ADAMTS12: variants seen among roughly 807,000 people sequenced by gnomAD.
The protein encoded by ADAMTS12 is ADAM metallopeptidase with thrombospondin type 1 motif 12.
In ADAMTS12, 118 loss-of-function variants were observed where a neutral mutation model predicts 167.8. That is an observed-to-expected ratio of 0.70 (90% CI 0.61 to 0.82). The LOEUF (loss-of-function observed/expected upper bound fraction) is 0.82, where lower values mean the gene tolerates loss of function less well. ADAMTS12 is among the 40% of genes least tolerant of loss of function. ADAMTS12 has a pLI of 0.00. For synonymous variants in ADAMTS12, 704 were observed against 716.9 expected (o/e 0.98, Z 0.29); for missense variants, 1,916 against 1,998.8 (o/e 0.96, Z 0.79).
chr5:33,877,208 C>T (rs1287742805), intron 2 of ADAMTS12, among the ~76,000 whole-genome samples: 1 of 152,128 alleles, frequency 6.6e-6, no homozygotes, highest in African/African-American at 2.4e-5. Context: ...CTAAGAAATG[C>T]TATGAACAGG....
intron 2 of ADAMTS12, among the ~76,000 whole-genome samples, chr5:33,849,313 G>A (rs1211414726): frequency 2.7e-5 from 3 of 111,830 alleles, no homozygotes; most frequent in Admixed American, 1.0e-4. Context: ...TATATGTATT[G>A]CATAGCTATA....
At chr5:33,569,287 G>A (rs1746180712) in intron 19 of ADAMTS12, among the ~76,000 whole-genome samples, 1 of 152,376 alleles carries the variant, frequency 6.6e-6, no homozygotes, top group East Asian at 1.9e-4. Context: ...CGGGCAGACT[G>A]CCTCCTCAAG....
At chr5:33,571,132 C>A (rs557887622) in intron 19 of ADAMTS12, among the ~76,000 whole-genome samples, 65 of 152,232 alleles carry the variant, frequency 4.3e-4, no homozygotes, top group Non-Finnish European at 6.8e-4. Flanking sequence ...CTTAGACTCC[C>A]ACACAATAAT....
At chr5:33,557,948 T>A (rs1339673322) in intron 20 of ADAMTS12, among the ~76,000 whole-genome samples, 1 of 151,968 alleles carries the variant, frequency 6.6e-6, no homozygotes, top group African/African-American at 2.4e-5. Context: ...GCACACTTCT[T>A]ATGAAAATCT....
intron 14 of ADAMTS12, among the ~76,000 whole-genome samples, chr5:33,622,342 G>A (rs1161766483): frequency 1.3e-5 from 2 of 152,026 alleles, no homozygotes; most frequent in Non-Finnish European, 2.9e-5. Flanking sequence ...GCCAAGATAG[G>A]AACTCATAAA....
At chr5:33,608,642 AG>A (rs1431842494) in intron 16 of ADAMTS12, among the ~76,000 whole-genome samples, 1 of 152,240 alleles carries the variant, frequency 6.6e-6, no homozygotes, top group Non-Finnish European at 1.5e-5. Flanking sequence ...ACAAGAGGAA[AG>A]AAAACCAGTT....
At chr5:33,764,036 A>T (rs576329535) in intron 2 of ADAMTS12, among the ~76,000 whole-genome samples, 1 of 152,288 alleles carries the variant, frequency 6.6e-6, no homozygotes, top group East Asian at 1.9e-4. Flanking sequence ...CACAGCATTC[A>T]TTAAGAAACA....
chr5:33,676,715 G>GAA (rs1741925642), intron 5 of ADAMTS12, among the ~76,000 whole-genome samples: 1 of 99,714 alleles, frequency 1.0e-5, no homozygotes, highest in African/African-American at 3.9e-5. Flanking sequence ...CACAGAGAGA[G>GAA]AGAGAGAGAG....
rs766390681 is a variant in ADAMTS12 at position 33,576,627 on chromosome 5, G to C, written c.3399C>G (p.Arg1133=). The C allele has an allele frequency of 4.4e-5, 71 of 1,614,086 alleles. No individual in the cohort carries two copies. Among genetic ancestry groups the C allele is most frequent in the Non-Finnish European group, 5.7e-5 (67 of 1,180,048 alleles). ...GAGTCACAGGCCAAGTGATAGGGTT[G>C]CGGGAAGATGACAAGCCAGAACCAC... The part of the protein sequence containing the change: ...TTSGSGLSSS[R]NPITWPVTPF... Residue 1133 remains arginine (R), a synonymous_variant, in exon 19 of 24, where the codon CGC becomes CGG. Coordinates refer to ENST00000504830, the MANE Select transcript of ADAMTS12 (RefSeq NM_030955.4).
chr5:33,782,380 A>C (rs1280325894), intron 2 of ADAMTS12, among the ~76,000 whole-genome samples: 2 of 152,168 alleles, frequency 1.3e-5, no homozygotes. Flanking sequence ...GTAAAAGAGA[A>C]ACAGAAGAAG....
At chr5:33,778,232 G>C (rs915722395) in intron 2 of ADAMTS12, among the ~76,000 whole-genome samples, 3 of 152,034 alleles carry the variant, frequency 2.0e-5, no homozygotes, top group Admixed American at 6.6e-5. Flanking sequence ...TGAGCAAAAA[G>C]TTGAAGCTGG....
intron 2 of ADAMTS12, among the ~76,000 whole-genome samples, chr5:33,823,864 A>G (rs2112506752): frequency 6.6e-6 from 1 of 152,318 alleles, no homozygotes; most frequent in Admixed American, 6.5e-5. Context: ...AATAAAAAAT[A>G]GGGTGAATTG....
chr5:33,618,794 C>T (rs1265053003), intron 14 of ADAMTS12, among the ~76,000 whole-genome samples: 1 of 152,174 alleles, frequency 6.6e-6, no homozygotes, highest in East Asian at 1.9e-4. Context: ...TTCTGTGAAG[C>T]CATCCACAAC....
chr5:33,546,912 A>T (rs1250481902), intron 21 of ADAMTS12, among the ~76,000 whole-genome samples: 1 of 152,242 alleles, frequency 6.6e-6, no homozygotes, highest in Admixed American at 6.5e-5. Flanking sequence ...TACAACGATA[A>T]CAATAAGATA....
chr5:33,711,854 T>C (rs1743415499), intron 3 of ADAMTS12, among the ~76,000 whole-genome samples: 1 of 152,204 alleles, frequency 6.6e-6, no homozygotes, highest in Admixed American at 6.5e-5. Context: ...GATCACTTAA[T>C]ATTAGTTGTA....
intron 13 of ADAMTS12, among the ~76,000 whole-genome samples, chr5:33,627,071 T>C (rs1401597040): frequency 2.1e-5 from 3 of 145,414 alleles, no homozygotes; most frequent in African/African-American, 7.7e-5. Context: ...GTGGTGGTGA[T>C]TTGATGGTGG....
At chr5:33,654,733 C>T (rs1204826008) in intron 7 of ADAMTS12, among the ~76,000 whole-genome samples, 1 of 152,168 alleles carries the variant, frequency 6.6e-6, no homozygotes, top group Non-Finnish European at 1.5e-5. Context: ...ACTTTTCTAG[C>T]ATAGAGCCAC....
chr5:33,845,975 CATACATTAAGGA>C (rs1445588529), intron 2 of ADAMTS12, among the ~76,000 whole-genome samples: 2 of 152,186 alleles, frequency 1.3e-5, no homozygotes, highest in Non-Finnish European at 2.9e-5. Flanking sequence ...GGCAGCTCCC[CATACATTAAGGA>C]TCCACTCCAA....
chr5:33,533,745 T>C (rs938116933), intron 23 of ADAMTS12, among the ~76,000 whole-genome samples: 1 of 152,132 alleles, frequency 6.6e-6, no homozygotes, highest in Non-Finnish European at 1.5e-5. Context: ...CTGGCCTCCA[T>C]ACCTGTAGAG....
Sources: gnomAD v4.1 joint callset for allele counts (sites outside exome capture counted in the v4.1 genomes callset) on GRCh38, gnomAD v4.1.1 for gene constraint, MANE v1.5 for transcripts, NCBI Gene and HGNC (gene_info 2026-07-23, HGNC 2026-07-21) for gene names.